The following FOXP1 variants were observed in gnomAD, a reference collection of about 807,000 sequenced individuals.
The protein encoded by FOXP1 is forkhead box P1.
Under a neutral mutation model 98.2 loss-of-function variants are expected in FOXP1, and 15 were observed. That is an observed-to-expected ratio of 0.15 (90% CI 0.10 to 0.24). FOXP1 has a LOEUF of 0.24. Among genes scored for constraint, FOXP1 ranks in the 10% least tolerant of loss-of-function variants. FOXP1 has a pLI of 1.00. For synonymous variants in FOXP1, 371 were observed against 314.5 expected (o/e 1.18, Z -1.90); for missense variants, 633 against 848.5 (o/e 0.75, Z 3.15).
intron 6 of FOXP1, among the ~76,000 whole-genome samples, chr3:71,179,906 T>C (rs2108274108): frequency 6.6e-6 from 1 of 152,372 alleles, no homozygotes; most frequent in South Asian, 2.1e-4. Flanking sequence ...TGCTATTCAA[T>C]TTCCAATTGA....
At chr3:71,039,390 T>C (rs1377441658) in intron 11 of FOXP1, among the ~76,000 whole-genome samples, 1 of 152,178 alleles carries the variant, frequency 6.6e-6, no homozygotes, top group Non-Finnish European at 1.5e-5. Context: ...TACTTTCAAA[T>C]GTGCCTTAAG....
intron 4 of FOXP1, among the ~76,000 whole-genome samples, chr3:71,325,208 A>G (rs540425606): frequency 1.4e-3 from 217 of 152,132 alleles, no homozygotes; most frequent in Non-Finnish European, 2.7e-3. Flanking sequence ...ATAAACCACC[A>G]CACCCGGATA....
rs577920948 is a variant in FOXP1, at chr3:70,958,204, A to T, written c.*1043T>A. 692 of 439,310 alleles carry T rather than the reference A, an allele frequency of 1.6e-3. No homozygotes were observed. Among genetic ancestry groups the T allele is most frequent in the Non-Finnish European group, 2.4e-3 (547 of 230,948 alleles). The allele number at this position is 439,310 out of a possible 1,614,324, so 27.2% of individuals were successfully genotyped here. ...TTTATTAATGGTTGCTGCAAAAAAA[A>T]AAAAAGAAAAGAAAAGAAAAAAAGA... On this transcript the variant is annotated 3_prime_UTR_variant, in exon 21 of 21. Coordinates refer to ENST00000649528, the MANE Select transcript of FOXP1 (RefSeq NM_001349338.3).
chr3:71,122,887 G>A (rs1183082282), intron 6 of FOXP1, among the ~76,000 whole-genome samples: 1 of 152,152 alleles, frequency 6.6e-6, no homozygotes, highest in Admixed American at 6.5e-5. Flanking sequence ...GGGTAATCTT[G>A]GCAAATGGCT....
At chr3:71,261,082 A>G (rs2069094954) in intron 5 of FOXP1, among the ~76,000 whole-genome samples, 1 of 152,164 alleles carries the variant, frequency 6.6e-6, no homozygotes, top group Admixed American at 6.5e-5. Context: ...ATTAAGGTAA[A>G]ACAGAAAGAG....
At chr3:71,177,619 G>A (rs759619368) in intron 6 of FOXP1, among the ~76,000 whole-genome samples, 8 of 152,094 alleles carry the variant, frequency 5.3e-5, no homozygotes, top group South Asian at 2.1e-4. Flanking sequence ...CTGTGTGAAC[G>A]AGCGTGGGCA....
intron 3 of FOXP1, among the ~76,000 whole-genome samples, chr3:71,444,107 G>A (rs987398045): frequency 2.0e-5 from 3 of 152,270 alleles, no homozygotes; most frequent in South Asian, 4.1e-4. Flanking sequence ...GTACATCAAC[G>A]TCAATTGGCA....
chr3:71,318,771 G>GTTAAAGATAAC lies in FOXP1; in HGVS notation c.-72-18902_-72-18892dup, dbSNP rs2075227598. 5.9e-5 allele frequency among the ~76,000 whole-genome samples: 9 copies of GTTAAAGATAAC among 152,292 alleles called. No individual in the cohort carries two copies. In the South Asian group the frequency reaches 1.9e-3, roughly 32 times the overall value. Reference sequence around the variant, plus strand: ...AGAGCTAATGGACAAAATGGTTCCAGTTAAAGATAACTTAAAGATAAACTA... The same window carrying GTTAAAGATAAC: ...AGAGCTAATGGACAAAATGGTTCCAGTTAAAGATAACTTAAAGATAACTTAAAGATAAACTA... On this transcript the variant is annotated intron_variant, in intron 4 of 20. Coordinates refer to ENST00000649528, the MANE Select transcript of FOXP1 (RefSeq NM_001349338.3).
At chr3:71,329,194 C>A (rs2076134740) in intron 4 of FOXP1, among the ~76,000 whole-genome samples, 1 of 151,820 alleles carries the variant, frequency 6.6e-6, no homozygotes, top group Non-Finnish European at 1.5e-5. Context: ...ACTGAGATAG[C>A]CTTTCACAAA....
intron 5 of FOXP1, among the ~76,000 whole-genome samples, chr3:71,268,042 C>T (rs13081744): frequency 0.75 from 96,019 of 128,660 alleles, 36,459 homozygotes; most frequent in East Asian, 0.86. Context: ...AAAGTCTGTG[C>T]TTTAATGATT....
chr3:71,313,464 G>T (rs2074848208), intron 4 of FOXP1, among the ~76,000 whole-genome samples: 1 of 151,908 alleles, frequency 6.6e-6, no homozygotes, highest in South Asian at 2.1e-4. Context: ...AACAAGTTTT[G>T]AAAGTTAGGA....
intron 6 of FOXP1, among the ~76,000 whole-genome samples, chr3:71,122,329 G>A (rs768536211): frequency 7.9e-5 from 12 of 151,950 alleles, no homozygotes; most frequent in Admixed American, 1.3e-4. Flanking sequence ...AGAGATAGAA[G>A]ACAAAAGAAA....
chr3:71,497,727 C>T (rs532375569), intron 2 of FOXP1, among the ~76,000 whole-genome samples: 2 of 152,188 alleles, frequency 1.3e-5, no homozygotes, highest in South Asian at 4.1e-4. Flanking sequence ...ATTCAGTGAA[C>T]CCCCAGGGGC....
At chr3:71,313,479 A>G (rs989634706) in intron 4 of FOXP1, among the ~76,000 whole-genome samples, 1 of 152,100 alleles carries the variant, frequency 6.6e-6, no homozygotes, top group Non-Finnish European at 1.5e-5. Flanking sequence ...TTAGGAAAGA[A>G]TTTTTATAAA....
chr3:71,236,418 C>A (rs2066780663), intron 5 of FOXP1, among the ~76,000 whole-genome samples: 1 of 152,190 alleles, frequency 6.6e-6, no homozygotes, highest in African/African-American at 2.4e-5. Flanking sequence ...TTGGATAAAT[C>A]TTTGAGCTAC....
At chr3:71,223,119 TC>T (rs1440031151) in intron 5 of FOXP1, among the ~76,000 whole-genome samples, 1 of 152,158 alleles carries the variant, frequency 6.6e-6, no homozygotes, top group Non-Finnish European at 1.5e-5. Flanking sequence ...ATCAAGTCAC[TC>T]CCTTGCCAGG....
At chr3:71,026,211 A>T (rs568908721) in intron 11 of FOXP1, among the ~76,000 whole-genome samples, 1 of 152,238 alleles carries the variant, frequency 6.6e-6, no homozygotes, top group South Asian at 2.1e-4. Context: ...TTTCACAGAT[A>T]TCATTTCTTA....
At chr3:71,182,500 A>G (rs78794262) in intron 6 of FOXP1, among the ~76,000 whole-genome samples, 8,517 of 138,256 alleles carry the variant, frequency 0.062, 348 homozygotes, top group Admixed American at 0.1. Flanking sequence ...TAAACTATAT[A>G]TATGTGTGTG....
chr3:71,015,406 G>A, intron 12 of FOXP1, 143 bp downstream of exon 12: 1 of 631,136 alleles, frequency 1.6e-6, no homozygotes, highest in Admixed American at 2.2e-5. Context: ...TCCTATGACA[G>A]TGCACTAGAC....
Sources: allele counts gnomAD v4.1 joint callset (sites outside exome capture counted in the v4.1 genomes callset), GRCh38; gene constraint gnomAD v4.1.1; transcripts MANE v1.5; gene names NCBI Gene and HGNC (gene_info 2026-07-23, HGNC 2026-07-21).